STK33: variants seen among roughly 807,000 people sequenced by gnomAD.
The protein encoded by STK33 is serine/threonine-protein kinase 33.
STK33 carries 52 observed loss-of-function variants against 58.0 expected under a neutral mutation model. The ratio of observed to expected loss-of-function variants is 0.90; its 90% CI spans 0.72 to 1.13. The LOEUF (loss-of-function observed/expected upper bound fraction) is 1.13, where lower values mean the gene tolerates loss of function less well. STK33 is among the 50% of genes most tolerant of loss of function. The probability of loss-of-function intolerance (pLI) is 0.00; values close to 1 mark genes in which losing one functional copy is unlikely to be tolerated. For synonymous variants in STK33, 215 were observed against 200.1 expected (o/e 1.07, Z -0.63); for missense variants, 630 against 604.2 (o/e 1.04, Z -0.45).
intron 15 of STK33, among the ~76,000 whole-genome samples, chr11:8,409,990 A>G (rs1273256942): frequency 1.3e-5 from 2 of 152,132 alleles, no homozygotes; most frequent in Admixed American, 6.6e-5. Flanking sequence ...ACTTTTAACT[A>G]TTATGATATT....
chr11:8,349,060 G>A, the STK33 span, among the ~76,000 whole-genome samples: 1 of 152,146 alleles, frequency 6.6e-6, no homozygotes, highest in East Asian at 1.9e-4. Context: ...CTCTGCAGAG[G>A]AGCTCTCCAG....
At chr11:8,540,745 C>T (rs1478461075) in intron 1 of STK33, among the ~76,000 whole-genome samples, 1 of 151,498 alleles carries the variant, frequency 6.6e-6, no homozygotes, top group Non-Finnish European at 1.5e-5. Context: ...GGGCAGGGGG[C>T]GGGAGAGGAA....
chr11:8,568,268 T>C (rs1387402909), intron 1 of STK33, among the ~76,000 whole-genome samples: 1 of 152,210 alleles, frequency 6.6e-6, no homozygotes, highest in Non-Finnish European at 1.5e-5. Flanking sequence ...AATTCAGTTA[T>C]TCAATGTAAA....
Position 8,457,581 on chromosome 11 carries a change from T to G in STK33, c.559-102A>C. 4 of 1,049,364 alleles carry G rather than the reference T, an allele frequency of 3.8e-6. No homozygotes were observed. In the South Asian group the frequency reaches 8.6e-5, roughly 23 times the overall value. 65.0% of individuals were successfully genotyped at this position (1,049,364 alleles called of 1,614,324 possible). A position where few individuals can be genotyped will look rare whatever the true frequency, so the allele number is the denominator to read the frequency against. Reference sequence around the variant, plus strand: ...ACAATCACAGTCATAATCATTAATTTATTCATTCAAAAGTATTATCTATTA... The same window carrying G: ...ACAATCACAGTCATAATCATTAATTGATTCATTCAAAAGTATTATCTATTA... On this transcript the variant is annotated intron_variant, in intron 8 of 15. Coordinates refer to ENST00000687296, the MANE Select transcript of STK33 (RefSeq NM_001352389.2).
At chr11:8,415,638 C>T (rs1941010140) in intron 14 of STK33, among the ~76,000 whole-genome samples, 1 of 151,960 alleles carries the variant, frequency 6.6e-6, no homozygotes, top group Admixed American at 6.6e-5. Flanking sequence ...TTGTCATCAC[C>T]CAAGCATAAT....
At chr11:8,575,658 A>G (rs1958130048) in intron 1 of STK33, among the ~76,000 whole-genome samples, 1 of 152,110 alleles carries the variant, frequency 6.6e-6, no homozygotes, top group Non-Finnish European at 1.5e-5. Context: ...AAATTTTTGG[A>G]AGTAGTGGAT....
At chr11:8,443,330 T>C (rs1256320035) in intron 11 of STK33, among the ~76,000 whole-genome samples, 1 of 152,122 alleles carries the variant, frequency 6.6e-6, no homozygotes, top group Non-Finnish European at 1.5e-5. Flanking sequence ...ATCCAACGCA[T>C]CATTTGCAAA....
At chr11:8,394,159 C>A (rs552395092) in intron 15 of STK33, among the ~76,000 whole-genome samples, 1 of 152,102 alleles carries the variant, frequency 6.6e-6, no homozygotes, top group South Asian at 2.1e-4. Context: ...ATTTAAAATT[C>A]TTTAGTATTC....
intron 1 of STK33, among the ~76,000 whole-genome samples, chr11:8,536,675 G>T (rs889251553): frequency 2.0e-5 from 3 of 152,062 alleles, no homozygotes; most frequent in East Asian, 1.9e-4. Context: ...TTCAATTGTT[G>T]TATTTTTCAC....
intron 15 of STK33, among the ~76,000 whole-genome samples, chr11:8,406,936 T>C (rs1014368168): frequency 1.3e-5 from 2 of 151,900 alleles, no homozygotes; most frequent in South Asian, 4.1e-4. Context: ...ATGAAAATAC[T>C]CAATATTTTG....
intron 13 of STK33, 99 bp downstream of exon 13, chr11:8,435,928 T>C (rs1316693747): frequency 1.3e-5 from 8 of 600,576 alleles, no homozygotes; most frequent in Non-Finnish European, 1.8e-5. Context: ...CACAAGTAAA[T>C]TTAATGACTA....
At chr11:8,552,622 A>G (rs955566885) in intron 1 of STK33, among the ~76,000 whole-genome samples, 1 of 152,018 alleles carries the variant, frequency 6.6e-6, no homozygotes, top group African/African-American at 2.4e-5. Flanking sequence ...TTAAAAACTA[A>G]GACACATACA....
intron 1 of STK33, among the ~76,000 whole-genome samples, chr11:8,493,395 A>C (rs572569161): frequency 6.6e-6 from 1 of 152,314 alleles, no homozygotes; most frequent in East Asian, 1.9e-4. Context: ...AGACTAAACA[A>C]GGAAGAAGTT....
chr11:8,384,649 C>T, the STK33 span, among the ~76,000 whole-genome samples: 6 of 152,168 alleles, frequency 3.9e-5, no homozygotes, highest in East Asian at 5.8e-4. Flanking sequence ...CTGATAAGTG[C>T]GTAGAAAAAA....
Position 8,457,433 on chromosome 11 carries a change from T to C in STK33, c.605A>G (p.Glu202Gly). 2 of 1,606,760 alleles carry C rather than the reference T, an allele frequency of 1.2e-6. No individual in the cohort carries two copies. Among genetic ancestry groups the C allele is most frequent in the South Asian group, 2.2e-5 (2 of 89,982 alleles). ...MELCEDGELK[E>G]ILDRKGHFSE... The stretch of plus-strand genomic sequence containing the variant: ...GAAATGCCCTTTCCTATCCAGAATT[T>C]CTTTGAGTTCTCCATCCTCACAAAG... The change falls in exon 9 of 16, where the codon GAA (glutamate) becomes GGA (glycine). Residue 202 changes from glutamate (E) to glycine (G), a missense_variant. Coordinates refer to ENST00000687296, the MANE Select transcript of STK33 (RefSeq NM_001352389.2).
the STK33 span, among the ~76,000 whole-genome samples, chr11:8,362,618 T>C: frequency 6.6e-6 from 1 of 152,210 alleles, no homozygotes; most frequent in Non-Finnish European, 1.5e-5. Flanking sequence ...TTGTGGCTAA[T>C]AGTGTGGAGT....
intron 1 of STK33, among the ~76,000 whole-genome samples, chr11:8,517,112 G>A (rs764881529): frequency 3.3e-5 from 5 of 152,118 alleles, no homozygotes; most frequent in Admixed American, 2.0e-4. Context: ...TCATACAGCC[G>A]GGTGCCCCTC....
chr11:8,572,035 A>ATT lies in STK33; in HGVS notation c.-466+22047_-466+22048insAA, dbSNP rs1190414334. ...TAAAATTAAATTTTAATTTTAAAAA[A>ATT]TAAATTAATTAATTAATTAATTTTA... On this transcript the variant is annotated intron_variant, in intron 1 of 15. Coordinates refer to ENST00000687296, the MANE Select transcript of STK33 (RefSeq NM_001352389.2). 2.9e-4 allele frequency among the ~76,000 whole-genome samples: 17 copies of ATT among 58,234 alleles called. 3 individuals are homozygous for ATT. The highest frequency in any genetic ancestry group is 1.4e-3 in the East Asian group (3 of 2,076). The allele number at this position is 58,234 out of a possible 152,430, so 38.2% of individuals were successfully genotyped here. A position where few individuals can be genotyped will look rare whatever the true frequency, so the allele number is the denominator to read the frequency against.
At chr11:8,385,844 C>G in the STK33 span, among the ~76,000 whole-genome samples, 2 of 151,966 alleles carry the variant, frequency 1.3e-5, no homozygotes, top group African/African-American at 2.4e-5. Flanking sequence ...GCGCTATCTC[C>G]ACTCACTGCA....
Sources: allele counts gnomAD v4.1 joint callset (sites outside exome capture counted in the v4.1 genomes callset), GRCh38; gene constraint gnomAD v4.1.1; transcripts MANE v1.5; gene names NCBI Gene and HGNC (gene_info 2026-07-23, HGNC 2026-07-21).